Variants in SULF1 observed in about 807,000 individuals in gnomAD.
The protein encoded by SULF1 is extracellular sulfatase Sulf-1.
SULF1 carries 46 observed loss-of-function variants against 110.5 expected under a neutral mutation model. That is an observed-to-expected ratio of 0.42 (90% confidence interval 0.33 to 0.53). The LOEUF (loss-of-function observed/expected upper bound fraction) is 0.53. Ranked by LOEUF, SULF1 falls within the 20% of genes least tolerant of loss-of-function variation. SULF1 has a pLI of 0.12. For missense variants in SULF1, 941 were observed against 1,094.2 expected, an observed-to-expected ratio of 0.86 and a Z score of 1.98; for synonymous variants, 371 against 387.1, an observed-to-expected ratio of 0.96 and a Z score of 0.49.
At chr8:69,604,699 G>T in intron 12 of SULF1, 104 bp from the exon 13 acceptor site, 1 of 1,441,230 alleles carries the variant, frequency 6.9e-7, no homozygotes, top group Non-Finnish European at 9.5e-7. Flanking sequence ...GCTGTTTAAA[G>T]AATGTGGAGT....
At chr8:69,614,849 A>G (rs78570646) in intron 13 of SULF1, among the ~76,000 whole-genome samples, 3,453 of 152,330 alleles carry the variant, frequency 0.023, 131 homozygotes, top group African/African-American at 0.078. Context: ...CTCACCCATA[A>G]TTGCTGTGCA....
At chr8:69,484,872 C>G (rs1295396118) in intron 1 of SULF1, among the ~76,000 whole-genome samples, 1 of 148,210 alleles carries the variant, frequency 6.7e-6, no homozygotes, top group South Asian at 2.2e-4. Flanking sequence ...TTTCTTCCTC[C>G]TCCTCCTCCT....
intron 19 of SULF1, among the ~76,000 whole-genome samples, chr8:69,637,209 A>C (rs1811125994): frequency 6.6e-6 from 1 of 152,170 alleles, no homozygotes; most frequent in Non-Finnish European, 1.5e-5. Flanking sequence ...ACAAATTCTC[A>C]TGTAGCTGTA....
At chr8:69,492,325 C>T (rs573711524), upstream of SULF1, among the ~76,000 whole-genome samples, 4 of 151,824 alleles carry the variant, frequency 2.6e-5, no homozygotes, top group South Asian at 8.4e-4. Context: ...AGGAGAGACC[C>T]AGAGAGGTTT....
chr8:69,525,083 C>T (rs1586302729), intron 3 of SULF1, among the ~76,000 whole-genome samples: 1 of 152,328 alleles, frequency 6.6e-6, no homozygotes, highest in East Asian at 1.9e-4. Context: ...CCTGCACAGA[C>T]TTTATGCCTA....
chr8:69,587,947 C>T (rs1261258121), intron 7 of SULF1, among the ~76,000 whole-genome samples: 2 of 152,186 alleles, frequency 1.3e-5, no homozygotes, highest in Non-Finnish European at 2.9e-5. Context: ...AGGGGATAGC[C>T]TGTAGACTTG....
In SULF1 at chr8:69,600,707, G is replaced by A. The variant is rs775591702; in HGVS notation, c.839G>A (p.Arg280His). ...ATGGAATTTACAAACATTCTACAGC[G>A]CAAAAGGCTCCAGACTTTGATGTCA... ...IHMEFTNILQ[R>H]KRLQTLMSVD... Residue 280 changes from arginine (R) to histidine (H), a missense_variant, in exon 9 of 23, where the codon CGC becomes CAC. Transcript: ENST00000402687. 12 of 1,614,012 alleles carry A rather than the reference G, an allele frequency of 7.4e-6. No individual in the cohort carries two copies. The highest frequency in any genetic ancestry group is 1.7e-5 in the Admixed American group (1 of 60,010).
intron 3 of SULF1, 186 bp from the exon 4 acceptor site, chr8:69,563,353 T>C (rs1815645076): frequency 6.6e-6 from 1 of 152,292 alleles, no homozygotes; most frequent in Non-Finnish European, 1.5e-5. Flanking sequence ...AAGATAGCAT[T>C]TGAATCATTT....
chr8:69,541,979 T>C (rs1388223677), intron 3 of SULF1, among the ~76,000 whole-genome samples: 1 of 151,936 alleles, frequency 6.6e-6, no homozygotes, highest in African/African-American at 2.4e-5. Flanking sequence ...GGAGAGGGAG[T>C]GGAAGAGGAA....
At chr8:69,482,469 C>T (rs1809551381) in intron 1 of SULF1, among the ~76,000 whole-genome samples, 1 of 151,984 alleles carries the variant, frequency 6.6e-6, no homozygotes, top group East Asian at 1.9e-4. Flanking sequence ...TCTTTGGTGA[C>T]ACATACTGAA....
chr8:69,598,909 C>T (rs1437907619), intron 8 of SULF1, among the ~76,000 whole-genome samples: 1 of 152,210 alleles, frequency 6.6e-6, no homozygotes. Context: ...CAGCACCCAT[C>T]CTGGTCACCA....
chr8:69,508,320 G>C (rs760980957), intron 3 of SULF1, among the ~76,000 whole-genome samples: 1 of 152,076 alleles, frequency 6.6e-6, no homozygotes, highest in African/African-American at 2.4e-5. Context: ...TATCAAGCTG[G>C]TCTCGAACTC....
intron 22 of SULF1, among the ~76,000 whole-genome samples, chr8:69,657,225 C>T (rs1322951390): frequency 2.6e-5 from 4 of 152,076 alleles, no homozygotes; most frequent in Non-Finnish European, 4.4e-5. Context: ...TGTGTGTCTT[C>T]CAACTTTTCG....
intron 5 of SULF1, among the ~76,000 whole-genome samples, chr8:69,564,811 G>A (rs3922096): frequency 0.28 from 42,912 of 152,068 alleles, 7,535 homozygotes; most frequent in African/African-American, 0.5. Flanking sequence ...CCAGCCCTAC[G>A]GTCTTGTTCA....
chr8:69,585,751 T>G (rs1806410939), intron 6 of SULF1, among the ~76,000 whole-genome samples: 1 of 152,176 alleles, frequency 6.6e-6, no homozygotes, highest in South Asian at 2.1e-4. Flanking sequence ...GATGTATACA[T>G]TCATAAAATA....
chr8:69,495,480 C>T (rs997897246), intron 1 of SULF1, among the ~76,000 whole-genome samples: 1 of 152,066 alleles, frequency 6.6e-6, no homozygotes, highest in Non-Finnish European at 1.5e-5. Context: ...TCTAATGCCC[C>T]CCAAGAAATG....
intron 8 of SULF1, among the ~76,000 whole-genome samples, chr8:69,595,297 TACTC>T (rs1330298745): frequency 3.9e-5 from 6 of 152,120 alleles, no homozygotes; most frequent in African/African-American, 1.5e-4. Flanking sequence ...CCACCAGACT[TACTC>T]AGTTCACATC....
At chr8:69,540,758 T>C (rs537788123) in intron 3 of SULF1, among the ~76,000 whole-genome samples, 3 of 152,292 alleles carry the variant, frequency 2.0e-5, no homozygotes, top group African/African-American at 7.2e-5. Context: ...TATACCTTCT[T>C]TTTCCTCTTG....
intron 6 of SULF1, among the ~76,000 whole-genome samples, chr8:69,583,489 G>T (rs910719382): frequency 6.6e-6 from 1 of 151,778 alleles, no homozygotes; most frequent in East Asian, 1.9e-4. Context: ...CAGGAGAATC[G>T]CTTGAACCCA....
Sources: gnomAD v4.1 joint callset for allele counts (sites outside exome capture counted in the v4.1 genomes callset) on GRCh38, gnomAD v4.1.1 for gene constraint, MANE v1.5 for transcripts, NCBI Gene and HGNC (gene_info 2026-07-23, HGNC 2026-07-21) for gene names.